LOXL3: variants seen among roughly 807,000 people sequenced by gnomAD.
LOXL3 encodes the protein lysyl oxidase homolog 3.
In LOXL3, 60 loss-of-function variants were observed where a neutral mutation model predicts 91.8. That is an observed-to-expected ratio of 0.65 (90% CI 0.53 to 0.81). The LOEUF is 0.81. Among genes scored for constraint, LOXL3 ranks in the 30% least tolerant of loss-of-function variants. The pLI is 0.00. For synonymous variants in LOXL3, 355 were observed against 387.6 expected (o/e 0.92, Z 0.99); for missense variants, 874 against 1,000.4 (o/e 0.87, Z 1.70).
intron 4 of LOXL3, among the ~76,000 whole-genome samples, chr2:74,546,303 T>A (rs550810234): frequency 6.6e-6 from 1 of 152,020 alleles, no homozygotes; most frequent in African/African-American, 2.4e-5. Context: ...AAAGTAGTAC[T>A]GAAAAAAAAA....
intron 4 of LOXL3, among the ~76,000 whole-genome samples, chr2:74,537,834 G>T (rs879838177): frequency 6.6e-6 from 1 of 152,192 alleles, no homozygotes; most frequent in Non-Finnish European, 1.5e-5. Context: ...TGAGGCACGT[G>T]CCAGAGTGAA....
At chr2:74,546,480 C>G (rs1423484655) in intron 4 of LOXL3, among the ~76,000 whole-genome samples, 1 of 152,130 alleles carries the variant, frequency 6.6e-6, no homozygotes, top group Non-Finnish European at 1.5e-5. Context: ...TCACTCAGCT[C>G]CAGCCACAGT....
Position 74,535,635 on chromosome 2 carries a change from C to T in LOXL3, c.1369G>A (p.Val457Met). ...GDDWGTLEAM[V>M]ACRQLGLGYA... is the part of the protein sequence containing the mutation. Reference sequence around the variant, plus strand: ...CCCAGACCCAGTTGCCTACAGGCCACCATGGCCTCCAGGGTCCCCCAGTCA... The same window carrying T: ...CCCAGACCCAGTTGCCTACAGGCCATCATGGCCTCCAGGGTCCCCCAGTCA... Residue 457 changes from valine (V) to methionine (M), a missense_variant, in exon 8 of 14, where the codon GTG becomes ATG. Val to Met is a conservative substitution (Grantham distance 21, BLOSUM62 1). Transcript: ENST00000264094. This position sits in a 1 kb window ranked among gnomAD's most constrained non-coding sequence, Gnocchi z 4.2. 3.1e-6 allele frequency: 5 copies of T among 1,614,100 alleles called. No homozygotes were observed. The highest frequency in any genetic ancestry group is 4.2e-6 in the Non-Finnish European group (5 of 1,180,020).
At chr2:74,550,974 C>T (rs1676970071) in intron 2 of LOXL3, among the ~76,000 whole-genome samples, 1 of 151,488 alleles carries the variant, frequency 6.6e-6, no homozygotes, top group South Asian at 2.1e-4. Flanking sequence ...GCCCTGTTGC[C>T]TAGGCTGAAA....
At position 74,550,254 on chromosome 2, in the gene LOXL3, G is replaced by T. The variant is rs765045744; in HGVS notation, c.408C>A (p.His136Gln). 1 of 1,614,038 alleles carries T rather than the reference G, an allele frequency of 6.2e-7. No homozygotes were observed. The highest frequency in any genetic ancestry group is 1.7e-5 in the Admixed American group (1 of 60,000). Reference sequence around the variant, plus strand: ...TGCAGATGACCCCAGCATCCTCATCGTGCGTACAGTCACTGTTCCCCCAGC... The same window carrying T: ...TGCAGATGACCCCAGCATCCTCATCTTGCGTACAGTCACTGTTCCCCCAGC... ...SRGWGNSDCTHDEDAGVICKD... is the reference protein window; with the variant it reads ...SRGWGNSDCTQDEDAGVICKD... The change falls in exon 3 of 14, where the codon CAC (histidine) becomes CAA (glutamine). Residue 136 changes from histidine to glutamine, a missense_variant. Physicochemically the swap from His to Gln is conservative, Grantham distance 24 (BLOSUM62 0). Transcript: ENST00000264094.
chr2:74,534,310 A>G lies in LOXL3; in HGVS notation c.1939+6T>C. Reference sequence around the variant, plus strand: ...ACCATGTGGTTCACTTCAGTCCCCAACTCACCCTCCTGACACTCAGTGTCT... The same window carrying G: ...ACCATGTGGTTCACTTCAGTCCCCAGCTCACCCTCCTGACACTCAGTGTCT... On this transcript the variant is annotated splice_donor_region_variant and intron_variant, in intron 11 of 13. Transcript: ENST00000264094. 6.2e-7 allele frequency: 1 copy of G among 1,614,028 alleles called. No individual in the cohort carries two copies. The highest frequency in any genetic ancestry group is 1.3e-5 in the African/African-American group (1 of 74,986).
At chr2:74,552,768 A>G (rs1677102066) in intron 1 of LOXL3, 122 bp from the exon 2 acceptor site, 6 of 860,300 alleles carry the variant, frequency 7.0e-6, no homozygotes, top group Non-Finnish European at 1.0e-5. Flanking sequence ...ACAGCGAGAG[A>G]CAACAGGAGA....
chr2:74,548,812 C>T (rs543035221), intron 4 of LOXL3, among the ~76,000 whole-genome samples: 1 of 152,082 alleles, frequency 6.6e-6, no homozygotes, highest in South Asian at 2.1e-4. Context: ...GGGAAACTTC[C>T]AGGACTTCCA....
chr2:74,535,487 C>G lies in LOXL3; in HGVS notation c.1417-33G>C. 1 of 1,613,010 alleles carries G rather than the reference C, an allele frequency of 6.2e-7. No individual in the cohort carries two copies. The highest frequency in any genetic ancestry group is 2.2e-5 in the East Asian group (1 of 44,878). On this transcript the variant is annotated intron_variant, in intron 8 of 13. Transcript: ENST00000264094. This position sits in a 1 kb window ranked among gnomAD's most constrained non-coding sequence, Gnocchi z 4.2. ...CATATGCAGATGTTTCTGTAAGGCCCAGGATCCAGCATCTTGGGCCAAGGG... is the reference window on the plus strand; with the variant it reads ...CATATGCAGATGTTTCTGTAAGGCCGAGGATCCAGCATCTTGGGCCAAGGG...
At position 74,534,225 on chromosome 2, in the gene LOXL3, G is replaced by A. The variant is rs1353900393; in HGVS notation, c.1951C>T (p.Arg651Trp). 11 of 1,614,044 alleles carry A rather than the reference G, an allele frequency of 6.8e-6. No individual in the cohort carries two copies. The highest frequency in any genetic ancestry group is 1.3e-5 in the African/African-American group (1 of 74,904). ...DTECQEDVSK[R>W]YECANFGEQG... is the part of the protein sequence containing the mutation. ...TCTCCAAAGTTGGCACACTCATACC[G>A]CTTGGAGACATCTGGAGGGATTGGC... Residue 651 changes from arginine to tryptophan, a missense_variant, in exon 12 of 14, where the codon CGG becomes TGG. Arg to Trp is a moderately radical substitution (Grantham distance 101). Transcript: ENST00000264094.
chr2:74,534,967 C>T (rs546447667), intron 9 of LOXL3, among the ~76,000 whole-genome samples, 193 bp from the exon 10 acceptor site: 92 of 152,288 alleles, frequency 6.0e-4, no homozygotes, highest in African/African-American at 1.9e-3. Context: ...CAACCTCTGC[C>T]ACCTGGGTTC....
rs982020534 is a variant in LOXL3, at chr2:74,536,739, C to CT, written c.881dup (p.Lys295GlufsTer39). ...CCTGAGGCTTCGACTGTTGTTGCTTCTTCTGGCCACTGGATGCCGCGTAGA... is the reference window on the plus strand; with the variant it reads ...CCTGAGGCTTCGACTGTTGTTGCTTCTTTCTGGCCACTGGATGCCGCGTAGA... On this transcript the variant is annotated frameshift_variant, in exon 5 of 14. Transcript: ENST00000264094. LOFTEE classifies it high-confidence loss of function. The surrounding 1 kb of genome is among the most constrained non-coding windows in gnomAD (Gnocchi z 4.5). 2 of 1,614,122 alleles carry CT rather than the reference C, an allele frequency of 1.2e-6. No homozygotes were observed. The highest frequency in any genetic ancestry group is 2.7e-5 in the African/African-American group (2 of 74,948).
rs1413086034 is a variant in LOXL3 at position 74,552,544 on chromosome 2, T to C, written c.91A>G (p.Thr31Ala). Residue 31 changes from threonine (T) to alanine (A), a missense_variant, in exon 2 of 14, where the codon ACG becomes GCG. Physicochemically the swap from Thr to Ala is moderately conservative, Grantham distance 58 (BLOSUM62 0). Coordinates refer to ENST00000264094, the MANE Select transcript of LOXL3 (RefSeq NM_032603.5). ...CTCCCGGCCTTCTTCTCAGGGCCCGTGGAAGGGGACGGAGACCCCAAGCAC... is the reference window on the plus strand; with the variant it reads ...CTCCCGGCCTTCTTCTCAGGGCCCGCGGAAGGGGACGGAGACCCCAAGCAC... ...SSCLGSPSPSTGPEKKAGSQG... is the reference protein window; with the variant it reads ...SSCLGSPSPSAGPEKKAGSQG... The C allele has an allele frequency of 6.2e-7, 1 of 1,612,224 alleles. No individual in the cohort carries two copies. Among genetic ancestry groups the C allele is most frequent in the African/African-American group, 1.3e-5 (1 of 74,806 alleles).
chr2:74,539,352 A>C (rs1179347833), intron 4 of LOXL3, among the ~76,000 whole-genome samples: 2 of 152,158 alleles, frequency 1.3e-5, no homozygotes, highest in Non-Finnish European at 2.9e-5. Context: ...TCAGGAACTC[A>C]TGCTGCTCTC....
chr2:74,534,926 T>G, intron 9 of LOXL3, 152 bp from the exon 10 acceptor site: 15 of 901,236 alleles, frequency 1.7e-5, no homozygotes, highest in Non-Finnish European at 1.8e-5. Flanking sequence ...TTGCCGAGGC[T>G]GGAATGCAGC....
intron 2 of LOXL3, 103 bp from the exon 3 acceptor site, chr2:74,550,451 T>C: frequency 2.4e-6 from 3 of 1,242,208 alleles, no homozygotes; most frequent in South Asian, 1.4e-5. Context: ...CACTTGGCCA[T>C]GATGATCCCA....
At chr2:74,545,354 A>G (rs984428559) in intron 4 of LOXL3, among the ~76,000 whole-genome samples, 1 of 152,218 alleles carries the variant, frequency 6.6e-6, no homozygotes, top group African/African-American at 2.4e-5. Flanking sequence ...GCAAACTTTC[A>G]AAAACACTGG....
In LOXL3 at chr2:74,549,425, C is replaced by T. The variant is rs1676845655; in HGVS notation, c.636G>A (p.Val212=). 6.2e-7 allele frequency: 1 copy of T among 1,613,040 alleles called. No individual in the cohort carries two copies. ...TGGGGAAGCCCAGCATCCCGCAGACCACGTGGCTGTTGTGGGCGCTCCAGC... is the reference window on the plus strand; with the variant it reads ...TGGGGAAGCCCAGCATCCCGCAGACTACGTGGCTGTTGTGGGCGCTCCAGC... The part of the protein sequence containing the change: ...DKGWSAHNSH[V]VCGMLGFPSE... Residue 212 remains valine (V), a synonymous_variant, in exon 4 of 14, where the codon GTG becomes GTA. Coordinates refer to ENST00000264094, the MANE Select transcript of LOXL3 (RefSeq NM_032603.5). This position sits in a 1 kb window ranked among gnomAD's most constrained non-coding sequence, Gnocchi z 5.3.
At chr2:74,543,442 A>C (rs1193579644) in intron 4 of LOXL3, among the ~76,000 whole-genome samples, 1 of 152,164 alleles carries the variant, frequency 6.6e-6, no homozygotes, top group East Asian at 1.9e-4. Context: ...TATCTCAGTA[A>C]AATCCACTCC....
Sources: gnomAD v4.1 joint callset for allele counts (sites outside exome capture counted in the v4.1 genomes callset) on GRCh38, gnomAD v4.1.1 for gene constraint, Gnocchi (gnomAD v3.1) non-coding constraint, MANE v1.5 for transcripts, NCBI Gene and HGNC (gene_info 2026-07-23, HGNC 2026-07-21) for gene names.